The following LEMD2 variants were observed in gnomAD, a reference collection of about 807,000 sequenced individuals.
LEMD2 encodes LEM domain-containing protein 2.
Under a neutral mutation model 58.8 loss-of-function variants are expected in LEMD2, and 34 were observed. The observed-to-expected ratio is 0.58, with a 90% confidence interval of 0.44 to 0.77. LEMD2 has a LOEUF of 0.77. Among genes scored for constraint, LEMD2 ranks in the 30% least tolerant of loss-of-function variants. The pLI is 0.00. For missense variants in LEMD2, 629 were observed against 717.9 expected, an observed-to-expected ratio of 0.88 and a Z score of 1.42; for synonymous variants, 298 against 308.9, an observed-to-expected ratio of 0.96 and a Z score of 0.37.
At chr6:33,775,865 G>A (rs1341202181) in intron 8 of LEMD2, among the ~76,000 whole-genome samples, 3 of 152,310 alleles carry the variant, frequency 2.0e-5, no homozygotes, top group Non-Finnish European at 2.9e-5. Flanking sequence ...AGTAGTGCCC[G>A]GCTCCCAGGG....
In LEMD2 at chr6:33,788,311, C is replaced by A. The variant is rs1327271698; in HGVS notation, c.736+70G>T. 19 of 1,423,358 alleles carry A rather than the reference C, an allele frequency of 1.3e-5. No homozygotes were observed. In the Admixed American group the frequency reaches 3.8e-4, roughly 28 times the overall value. 88.2% of individuals were successfully genotyped at this position (1,423,358 alleles called of 1,614,324 possible). A position where few individuals can be genotyped will look rare whatever the true frequency, so the allele number is the denominator to read the frequency against. ...CCGGAAGTGCGCGGCCTGGCGCCGA[C>A]AGGAACGGGGGGTCCTCCGGCGGAC... On this transcript the variant is annotated intron_variant, in intron 1 of 8. Transcript: ENST00000293760.
intron 1 of LEMD2, 94 bp from the exon 2 acceptor site, chr6:33,786,868 C>A (rs1323719573): frequency 6.4e-7 from 1 of 1,560,200 alleles, no homozygotes; most frequent in Non-Finnish European, 8.7e-7. Flanking sequence ...GGGAGTAAAG[C>A]ATTACCAAGC....
At position 33,784,347 on chromosome 6, in the gene LEMD2, C is replaced by G; in HGVS notation, c.853+5G>C. The G allele has an allele frequency of 1.2e-6, 2 of 1,611,910 alleles. No individual in the cohort carries two copies. The highest frequency in any genetic ancestry group is 1.7e-6 in the Non-Finnish European group (2 of 1,178,158). On this transcript the variant is annotated splice_donor_5th_base_variant and intron_variant, in intron 3 of 8. Transcript: ENST00000293760. ...GGAATCTCAGGACTTACGTGACTTA[C>G]TCACCAGCTTGGATGGCCAGGAAAT... is the stretch of plus-strand genomic sequence containing the variant.
chr6:33,778,315 G>A lies in LEMD2; in HGVS notation c.1083C>T (p.Pro361=). 6.2e-7 allele frequency: 1 copy of A among 1,608,884 alleles called. No homozygotes were observed. The highest frequency in any genetic ancestry group is 8.5e-7 in the Non-Finnish European group (1 of 1,177,140). Reference sequence around the variant, plus strand: ...TCAGGCGGCAGCCAACACCCATGCGGGGGTGGGCAGATTCCAGGCAGACCA... The same window carrying A: ...TCAGGCGGCAGCCAACACCCATGCGAGGGTGGGCAGATTCCAGGCAGACCA... ...DKVVCLESAH[P]RMGVGCRLSR... is the part of the protein sequence containing the mutation. The change falls in exon 6 of 9, where the codon CCC becomes CCT. Residue 361 remains proline (P), a synonymous_variant. Coordinates refer to ENST00000293760, the MANE Select transcript of LEMD2 (RefSeq NM_181336.4). The surrounding 1 kb of genome is among the most constrained non-coding windows in gnomAD (Gnocchi z 4.7).
rs1036726040 is a variant in LEMD2, at chr6:33,778,164, A to T, written c.1156+78T>A. ...ACAGAAATGAACCCTCCGGGCCTGG[A>T]ATTTCTATAGCTCATCATTCATGCC... On this transcript the variant is annotated intron_variant, in intron 6 of 8. Transcript: ENST00000293760. The surrounding 1 kb of genome is among the most constrained non-coding windows in gnomAD (Gnocchi z 4.7). The T allele has an allele frequency of 1.4e-6, 2 of 1,391,138 alleles. No homozygotes were observed. Among genetic ancestry groups the T allele is most frequent in the African/African-American group, 2.9e-5 (2 of 68,300 alleles). 86.2% of individuals were successfully genotyped at this position (1,391,138 alleles called of 1,614,324 possible).
chr6:33,780,240 T>C (rs41267661), intron 4 of LEMD2, 61 bp from the exon 5 acceptor site: 128 of 1,392,408 alleles, frequency 9.2e-5, no homozygotes, highest in Non-Finnish European at 1.3e-4. Flanking sequence ...GGAACATTAT[T>C]CTGCTGCTGG....
chr6:33,782,967 T>C (rs1767598161), intron 3 of LEMD2, among the ~76,000 whole-genome samples: 1 of 152,164 alleles, frequency 6.6e-6, no homozygotes, highest in African/African-American at 2.4e-5. Flanking sequence ...CAAGACCACA[T>C]ATGGAGGGTA....
At position 33,784,383 on chromosome 6, in the gene LEMD2, A is replaced by G; in HGVS notation, c.822T>C (p.His274=). The G allele has an allele frequency of 6.9e-7, 1 of 1,455,810 alleles. No individual in the cohort carries two copies. Among genetic ancestry groups the G allele is most frequent in the Non-Finnish European group, 9.2e-7 (1 of 1,083,360 alleles). 90.2% of individuals were successfully genotyped at this position (1,455,810 alleles called of 1,614,324 possible). Residue 274 remains histidine, a synonymous_variant, in exon 3 of 9, where the codon CAT becomes CAC. Coordinates refer to ENST00000293760, the MANE Select transcript of LEMD2 (RefSeq NM_181336.4). ...GGATGGCCAGGAAATTGTAGAGTTC[A>G]TGCAGCAGCTCCAGCAAGGCTGCCT... The part of the protein sequence containing the change: ...KQKAALLELL[H]ELYNFLAIQA...
chr6:33,772,697 G>C lies in LEMD2; in HGVS notation c.1443C>G (p.Arg481=). 6.2e-7 allele frequency: 1 copy of C among 1,614,046 alleles called. No individual in the cohort carries two copies. Among genetic ancestry groups the C allele is most frequent in the Non-Finnish European group, 8.5e-7 (1 of 1,179,986 alleles). The change falls in exon 9 of 9, where the codon CGC becomes CGG. Residue 481 remains arginine, a synonymous_variant. Transcript: ENST00000293760. ...NESRIQTESH[R]VAGEDMLVWR... is the part of the protein sequence containing the mutation. ...ACACCAGCATGTCCTCTCCTGCAAC[G>C]CGGTGGGACTCCGTCTGGATCCGGG...
intron 8 of LEMD2, among the ~76,000 whole-genome samples, chr6:33,774,456 G>T (rs1325024789): frequency 4.1e-5 from 6 of 147,494 alleles, no homozygotes; most frequent in Non-Finnish European, 5.9e-5. Flanking sequence ...TTGAGACAGG[G>T]TCTCGCTCTG....
At chr6:33,777,421 GATT>G (rs796579021) in intron 6 of LEMD2, among the ~76,000 whole-genome samples, 182 bp from the exon 7 acceptor site, 84 of 152,336 alleles carry the variant, frequency 5.5e-4, no homozygotes, top group African/African-American at 1.7e-3. Flanking sequence ...AGGGACGACA[GATT>G]ATTAAGTGAT....
rs967490689 is a variant in LEMD2 at position 33,788,743 on chromosome 6, C to T, written c.374G>A (p.Arg125His). The T allele has an allele frequency of 2.8e-6, 4 of 1,434,824 alleles. No individual in the cohort carries two copies. The African/African-American group carries it at 4.4e-5, about 16-fold the overall frequency. 88.9% of individuals were successfully genotyped at this position (1,434,824 alleles called of 1,614,324 possible). Residue 125 changes from arginine to histidine, a missense_variant, in exon 1 of 9, where the codon CGC becomes CAC. Around this residue, in one of 2 missense-constraint regions of LEMD2, gnomAD observed 386 missense variants for 381.1 expected, o/e 1.01. Coordinates refer to ENST00000293760, the MANE Select transcript of LEMD2 (RefSeq NM_181336.4). ...VGSRGLAYPA[R>H]PAQLRRRASV... ...GGCGCGGCGCCTGAGTTGCGCCGGG[C>T]GGGCAGGATAGGCGAGGCCGCGGCT...
intron 6 of LEMD2, 61 bp from the exon 7 acceptor site, chr6:33,777,300 G>A: frequency 9.0e-7 from 1 of 1,112,636 alleles, no homozygotes; most frequent in Non-Finnish European, 1.4e-6. Flanking sequence ...GTCTCACCAT[G>A]GACAAGATGC....
In LEMD2 at chr6:33,781,085, A is replaced by G; in HGVS notation, c.922T>C (p.Tyr308His). 1 of 1,611,034 alleles carries G rather than the reference A, an allele frequency of 6.2e-7. No individual in the cohort carries two copies. Among genetic ancestry groups the G allele is most frequent in the South Asian group, 1.1e-5 (1 of 90,946 alleles). Residue 308 changes from tyrosine (Y) to histidine (H), a missense_variant, in exon 4 of 9, where the codon TAT (tyrosine) becomes CAT (histidine). This residue lies in a region of LEMD2 where 243 missense variants were observed against 336.8 expected (regional missense o/e 0.72). Coordinates refer to ENST00000293760, the MANE Select transcript of LEMD2 (RefSeq NM_181336.4). ...KCIPVMEAQEYIANVTSSSSA... is the reference protein window; with the variant it reads ...KCIPVMEAQEHIANVTSSSSA... The stretch of plus-strand genomic sequence containing the variant: ...CACTGAAGCCTACTTACGGCTATAT[A>G]TTCTTGGGCTTCCATAACAGGAATG...
Position 33,788,985 on chromosome 6 carries a change from C to A in LEMD2, c.132G>T (p.Leu44=), listed in dbSNP as rs764088098. The A allele has an allele frequency of 2.5e-4, 392 of 1,544,734 alleles. No individual in the cohort carries two copies. The highest frequency in any genetic ancestry group is 3.2e-4 in the Non-Finnish European group (371 of 1,153,456). ...CCTCCCGCAGCCGCTCCTCGTCGCG[C>A]AGCCGGGCCTCGCCCCGCAGGCGGC... The part of the protein sequence containing the change: ...KLRRLRGEAR[L]RDEERLREEA... Residue 44 remains leucine, a synonymous_variant, in exon 1 of 9, where the codon CTG becomes CTT. Coordinates refer to ENST00000293760, the MANE Select transcript of LEMD2 (RefSeq NM_181336.4).
At chr6:33,783,226 G>A (rs6933174) in intron 3 of LEMD2, among the ~76,000 whole-genome samples, 33,276 of 152,100 alleles carry the variant, frequency 0.22, 3,862 homozygotes, top group Admixed American at 0.29. Context: ...CACCTGGGCC[G>A]TACAGAGGAA....
rs1049555430 is a variant in LEMD2 at position 33,786,968 on chromosome 6, G to A, written c.737-194C>T. 4 of 1,286,640 alleles carry A rather than the reference G, an allele frequency of 3.1e-6. No homozygotes were observed. In the African/African-American group the frequency reaches 6.1e-5, roughly 20 times the overall value. The allele number at this position is 1,286,640 out of a possible 1,614,324, so 79.7% of individuals were successfully genotyped here. ...TAAGGGTATCCAAATCCTGGATTAG[G>A]AATTACGATAGCTGGGTCCTTGTCC... On this transcript the variant is annotated intron_variant, in intron 1 of 8. Coordinates refer to ENST00000293760, the MANE Select transcript of LEMD2 (RefSeq NM_181336.4).
rs373050630 is a variant in LEMD2, at chr6:33,780,199, A to G, written c.931-20T>C. 1.4e-5 allele frequency: 22 copies of G among 1,571,178 alleles called. No individual in the cohort carries two copies. Among genetic ancestry groups the G allele is most frequent in the Non-Finnish European group, 1.8e-5 (21 of 1,156,364 alleles). ...CACATTCTGTGGGAGGGCGCGGGAGAAGGTTAGTTCGGCGTCTGGGCGGAG... is the reference window on the plus strand; with the variant it reads ...CACATTCTGTGGGAGGGCGCGGGAGGAGGTTAGTTCGGCGTCTGGGCGGAG... On this transcript the variant is annotated intron_variant, in intron 4 of 8. Transcript: ENST00000293760.
chr6:33,784,199 C>G (rs759548103), intron 3 of LEMD2, among the ~76,000 whole-genome samples, 153 bp downstream of exon 3: 6 of 152,182 alleles, frequency 3.9e-5, no homozygotes, highest in Admixed American at 1.3e-4. Context: ...AGTGAGGAGG[C>G]GAGAAGGTGA....
Sources: allele counts gnomAD v4.1 joint callset (sites outside exome capture counted in the v4.1 genomes callset), GRCh38; gene constraint gnomAD v4.1.1; regional missense constraint gnomAD v4.1.1; non-coding constraint Gnocchi (gnomAD v3.1); transcripts MANE v1.5; gene names NCBI Gene and HGNC (gene_info 2026-07-23, HGNC 2026-07-21).